Variants in GLRA3 observed in about 807,000 individuals in gnomAD.
GLRA3 encodes the protein glycine receptor subunit alpha-3.
A neutral mutation model predicts 60.4 loss-of-function variants in GLRA3; 44 were observed. The observed-to-expected ratio is 0.73, with a 90% CI of 0.57 to 0.94. The LOEUF is 0.94. Among genes scored for constraint, GLRA3 ranks in the 40% least tolerant of loss-of-function variants. GLRA3 has a pLI of 0.00. For synonymous variants in GLRA3, 223 were observed against 192.9 expected, an observed-to-expected ratio of 1.16 and a Z score of -1.29; for missense variants, 508 against 564.6, an observed-to-expected ratio of 0.90 and a Z score of 1.02.
intron 1 of GLRA3, among the ~76,000 whole-genome samples, chr4:174,796,840 C>T (rs749599171): frequency 6.6e-6 from 1 of 152,042 alleles, no homozygotes; most frequent in Non-Finnish European, 1.5e-5. Flanking sequence ...TGGCCCCTTC[C>T]TCTTCTGAAA....
In GLRA3 at chr4:174,778,729, G is replaced by A. The variant is rs184998460; in HGVS notation, c.199+10087C>T. ...AAAGGGGTGACGCACCTGGAAAATC[G>A]GGTCACTCCCACCCGAATACTGCGC... On this transcript the variant is annotated intron_variant, in intron 2 of 9. Transcript: ENST00000274093. 4.6e-3 allele frequency among the ~76,000 whole-genome samples: 694 copies of A among 152,310 alleles called. 1 individual carries two copies. Among genetic ancestry groups the A allele is most frequent in the African/African-American group, 0.016 (670 of 41,556 alleles).
chr4:174,712,611 T>G (rs1735754638), intron 5 of GLRA3: 1 of 152,150 alleles, frequency 6.6e-6, no homozygotes, highest in African/African-American at 2.4e-5. Flanking sequence ...TGTTTCCTTT[T>G]TGCCTACTTC....
At chr4:174,675,619 G>A (rs778237115) in intron 7 of GLRA3, among the ~76,000 whole-genome samples, 14 of 152,122 alleles carry the variant, frequency 9.2e-5, no homozygotes, top group African/African-American at 1.7e-4. Flanking sequence ...CTCTTGCAAC[G>A]TTTATCCTTA....
chr4:174,694,859 C>A (rs1734989129), intron 5 of GLRA3, among the ~76,000 whole-genome samples: 1 of 151,772 alleles, frequency 6.6e-6, no homozygotes, highest in African/African-American at 2.4e-5. Flanking sequence ...GAGAGAACGT[C>A]CAGATAAATA....
At chr4:174,666,317 G>A (rs11937740) in intron 7 of GLRA3, among the ~76,000 whole-genome samples, 2,990 of 152,066 alleles carry the variant, frequency 0.02, 43 homozygotes, top group Middle Eastern at 0.071. Flanking sequence ...AGTAGACAAC[G>A]TATGAAAAGA....
At chr4:174,715,726 C>G (rs970046149) in intron 4 of GLRA3, among the ~76,000 whole-genome samples, 156 bp from the exon 5 acceptor site, 4 of 152,060 alleles carry the variant, frequency 2.6e-5, no homozygotes, top group Non-Finnish European at 5.9e-5. Flanking sequence ...AATAGCTATG[C>G]CCTTATATAC....
chr4:174,703,737 G>A (rs1413499701), intron 5 of GLRA3, among the ~76,000 whole-genome samples: 1 of 152,136 alleles, frequency 6.6e-6, no homozygotes, highest in Non-Finnish European at 1.5e-5. Flanking sequence ...ATAGAAAACT[G>A]AGCCTCTGAA....
chr4:174,828,679 T>G, intron 1 of GLRA3, 62 bp downstream of exon 1: 1 of 969,260 alleles, frequency 1.0e-6, no homozygotes, highest in Non-Finnish European at 1.7e-6. Flanking sequence ...CAATAACAAG[T>G]GGTTGCAACG....
At chr4:174,692,315 TG>T (rs1269628026) in intron 5 of GLRA3, among the ~76,000 whole-genome samples, 1 of 140,504 alleles carries the variant, frequency 7.1e-6, no homozygotes, top group East Asian at 2.1e-4. Context: ...GGGAGGGAGG[TG>T]GGGGGGTCAG....
At chr4:174,785,474 A>G (rs183551253) in intron 2 of GLRA3, among the ~76,000 whole-genome samples, 1 of 152,160 alleles carries the variant, frequency 6.6e-6, no homozygotes, top group African/African-American at 2.4e-5. Flanking sequence ...AAAGGCAAAA[A>G]TGTTATATTA....
At chr4:174,814,604 C>T (rs532644472) in intron 1 of GLRA3, among the ~76,000 whole-genome samples, 1 of 152,288 alleles carries the variant, frequency 6.6e-6, no homozygotes, top group African/African-American at 2.4e-5. Flanking sequence ...TTGCATGTGG[C>T]TGAGGAGTCC....
chr4:174,809,338 C>A (rs2111364342), intron 1 of GLRA3, among the ~76,000 whole-genome samples: 1 of 152,230 alleles, frequency 6.6e-6, no homozygotes, highest in South Asian at 2.1e-4. Context: ...GATGTTCATA[C>A]AATAACTGTA....
intron 5 of GLRA3, among the ~76,000 whole-genome samples, chr4:174,695,290 A>G (rs1003510865): frequency 6.6e-6 from 1 of 152,150 alleles, no homozygotes; most frequent in Non-Finnish European, 1.5e-5. Context: ...CAACAAAAAA[A>G]GAAAACTTCA....
chr4:174,828,739 A>C lies in GLRA3; in HGVS notation c.71+2T>G. 6.3e-7 allele frequency: 1 copy of C among 1,595,524 alleles called. No homozygotes were observed. The highest frequency in any genetic ancestry group is 8.6e-7 in the Non-Finnish European group (1 of 1,163,022). On this transcript the variant is annotated splice_donor_variant, in intron 1 of 9. Transcript: ENST00000274093. LOFTEE classifies it high-confidence loss of function. ...CCGACTGTTAAATCCAAGCGAACTC[A>C]CCTGAGTAACAGTGCTGCTTCCCAG...
rs553243582 is a variant in GLRA3 at position 174,715,330 on chromosome 4, T to C, written c.574+158A>G. Among the ~76,000 whole-genome samples the C allele has an allele frequency of 2.0e-4, 30 of 152,352 alleles. No individual in the cohort carries two copies. In the South Asian group the frequency reaches 6.2e-3, roughly 32 times the overall value. The stretch of plus-strand genomic sequence containing the variant: ...TCATAGTGTGGAGTGCATGTGTTGA[T>C]AGGTATCATTATTTTCAGTACCTGG... On this transcript the variant is annotated intron_variant, in intron 5 of 9. Coordinates refer to ENST00000274093, the MANE Select transcript of GLRA3 (RefSeq NM_006529.4).
chr4:174,790,318 C>T (rs1328765550), intron 1 of GLRA3, among the ~76,000 whole-genome samples: 1 of 151,970 alleles, frequency 6.6e-6, no homozygotes, highest in Non-Finnish European at 1.5e-5. Flanking sequence ...TATTGCTCAA[C>T]CAAACTGTCA....
At chr4:174,821,809 A>G (rs1247012709) in intron 1 of GLRA3, among the ~76,000 whole-genome samples, 1 of 152,120 alleles carries the variant, frequency 6.6e-6, no homozygotes, top group Non-Finnish European at 1.5e-5. Context: ...CCTCTTCTTG[A>G]AGTAGTTAAT....
At chr4:174,813,818 CTT>C (rs1243088285) in intron 1 of GLRA3, among the ~76,000 whole-genome samples, 7 of 152,198 alleles carry the variant, frequency 4.6e-5, no homozygotes, top group Non-Finnish European at 1.0e-4. Context: ...CTGTATCCCT[CTT>C]GTCTCTTTCT....
At chr4:174,769,658 A>T (rs909360195) in intron 2 of GLRA3, among the ~76,000 whole-genome samples, 1 of 152,038 alleles carries the variant, frequency 6.6e-6, no homozygotes, top group Admixed American at 6.6e-5. Flanking sequence ...AATTACTTCC[A>T]TAGCTTTCTG....
Sources: allele counts gnomAD v4.1 joint callset (sites outside exome capture counted in the v4.1 genomes callset), GRCh38; gene constraint gnomAD v4.1.1; transcripts MANE v1.5; gene names NCBI Gene and HGNC (gene_info 2026-07-23, HGNC 2026-07-21).